CTSG: variants seen among roughly 807,000 people sequenced by gnomAD.
CTSG encodes cathepsin G.
Under a neutral mutation model 23.0 loss-of-function variants are expected in CTSG, and 23 were observed. The observed-to-expected ratio is 1.00, with a 90% CI of 0.72 to 1.42. The LOEUF is 1.42. CTSG is among the 40% of genes most tolerant of loss of function. The probability of loss-of-function intolerance (pLI) is 0.00; values close to 1 mark genes in which losing one functional copy is unlikely to be tolerated. For synonymous variants in CTSG, 140 were observed against 130.4 expected (o/e 1.07, Z -0.50); for missense variants, 312 against 326.2 (o/e 0.96, Z 0.33).
chr14:24,575,468 A>AC, intron 1 of CTSG, 56 bp from the exon 2 acceptor site: 1 of 1,589,924 alleles, frequency 6.3e-7, no homozygotes, highest in South Asian at 1.1e-5. Context: ...CAATGTGGGT[A>AC]CCAGATTGGT....
Position 24,575,298 on chromosome 14 carries a change from T to C in CTSG, c.170A>G (p.Asp57Gly). The change falls in exon 2 of 5, where the codon GAC (aspartate) becomes GGC (glycine). Residue 57 changes from aspartate to glycine, a missense_variant. By Grantham distance (94) the Asp-to-Gly change is moderately conservative. Coordinates refer to ENST00000216336, the MANE Select transcript of CTSG (RefSeq NM_001911.3). ...GCAATGAGCTGCTGTCAGCACAAAG[T>C]CTTCTCGCACCAGGAACCCTCCACA... ...SRCGGFLVRE[D>G]FVLTAAHCWG... 6.2e-7 allele frequency: 1 copy of C among 1,614,022 alleles called. No homozygotes were observed. Among genetic ancestry groups the C allele is most frequent in the Non-Finnish European group, 8.5e-7 (1 of 1,179,980 alleles).
Position 24,576,020 on chromosome 14 carries a change from C to T in CTSG, c.55+149G>A, listed in dbSNP as rs529371088. On this transcript the variant is annotated intron_variant, in intron 1 of 4. Transcript: ENST00000216336. Reference sequence around the variant, plus strand: ...AACTCTCATGGCAACTCTGCAAGATCGGTATTAATATTATTCTCATTTTAT... The same window carrying T: ...AACTCTCATGGCAACTCTGCAAGATTGGTATTAATATTATTCTCATTTTAT... 45 of 657,800 alleles carry T rather than the reference C, an allele frequency of 6.8e-5. No individual in the cohort carries two copies. In the East Asian group the frequency reaches 9.8e-4, roughly 14 times the overall value. The allele number at this position is 657,800 out of a possible 1,614,324, so 40.7% of individuals were successfully genotyped here.
Position 24,575,123 on chromosome 14 carries a change from T to A in CTSG, c.203+142A>T, listed in dbSNP as rs149560377. The stretch of plus-strand genomic sequence containing the variant: ...ATCCTCCTTTCCTCCTCATTTACAC[T>A]GGCCTGTTCCCTCCCGCAAAGACTC... On this transcript the variant is annotated intron_variant, in intron 2 of 4. Transcript: ENST00000216336. 177 of 890,052 alleles carry A rather than the reference T, an allele frequency of 2.0e-4. 1 individual carries two copies. In the African/African-American group the frequency reaches 2.8e-3, roughly 14 times the overall value. The allele number at this position is 890,052 out of a possible 1,614,324, so 55.1% of individuals were successfully genotyped here. A position where few individuals can be genotyped will look rare whatever the true frequency, so the allele number is the denominator to read the frequency against.
Position 24,575,348 on chromosome 14 carries a change from G to C in CTSG, c.120C>G (p.Ile40Met). ...HSRPYMAYLQ[I>M]QSPAGQSRCG... ...ATCTGCTCTGACCTGCTGGACTCTGGATCTGAAGATACGCCATGTAGGGGC... is the reference window on the plus strand; with the variant it reads ...ATCTGCTCTGACCTGCTGGACTCTGCATCTGAAGATACGCCATGTAGGGGC... The change falls in exon 2 of 5, where the codon ATC becomes ATG. Residue 40 changes from isoleucine to methionine, a missense_variant. Transcript: ENST00000216336. 1.2e-6 allele frequency: 2 copies of C among 1,614,156 alleles called. No homozygotes were observed. The highest frequency in any genetic ancestry group is 1.7e-6 in the Non-Finnish European group (2 of 1,180,026).
intron 1 of CTSG, 122 bp downstream of exon 1, chr14:24,576,047 G>A: frequency 1.3e-6 from 1 of 772,620 alleles, no homozygotes; most frequent in Non-Finnish European, 2.2e-6. Flanking sequence ...TCATTTTATA[G>A]ATGAGGAAAC....
intron 4 of CTSG, 35 bp downstream of exon 4, chr14:24,574,210 C>G (rs774615715): frequency 6.3e-7 from 1 of 1,597,870 alleles, no homozygotes; most frequent in Non-Finnish European, 8.5e-7. Flanking sequence ...GGGCCCCTCT[C>G]TCCCGGGGTG....
chr14:24,574,387 C>G lies in CTSG; in HGVS notation c.452G>C (p.Ser151Thr). Residue 151 changes from serine to threonine, a missense_variant, in exon 4 of 5, where the codon AGC becomes ACC. Coordinates refer to ENST00000216336, the MANE Select transcript of CTSG (RefSeq NM_001911.3). ...GAGTGTATCTGTTCCCCTCCTCATGCTGACCCTGCCCCAGCCGGCCACAGT... is the reference window on the plus strand; with the variant it reads ...GAGTGTATCTGTTCCCCTCCTCATGGTGACCCTGCCCCAGCCGGCCACAGT... ...LCTVAGWGRVSMRRGTDTLRE... is the reference protein window; with the variant it reads ...LCTVAGWGRVTMRRGTDTLRE... 6.2e-7 allele frequency: 1 copy of G among 1,611,970 alleles called. No homozygotes were observed. Among genetic ancestry groups the G allele is most frequent in the Non-Finnish European group, 8.5e-7 (1 of 1,180,010 alleles).
At chr14:24,573,870 C>T in intron 4 of CTSG, 60 bp from the exon 5 acceptor site, 1 of 1,494,858 alleles carries the variant, frequency 6.7e-7, no homozygotes, top group Non-Finnish European at 9.1e-7. Context: ...CTTCCCTGAG[C>T]TCCGGGCTCT....
intron 1 of CTSG, 103 bp from the exon 2 acceptor site, chr14:24,575,515 A>T: frequency 8.0e-7 from 1 of 1,252,932 alleles, no homozygotes; most frequent in African/African-American, 1.5e-5. Flanking sequence ...ACGGCAGGAG[A>T]GAGGGTGCAG....
chr14:24,575,461 T>A (rs772965200), intron 1 of CTSG, 49 bp from the exon 2 acceptor site: 3 of 1,607,618 alleles, frequency 1.9e-6, no homozygotes, highest in Non-Finnish European at 1.7e-6. Context: ...GAACCTGCAA[T>A]GTGGGTACCA....
At chr14:24,575,069 C>T in intron 2 of CTSG, 196 bp downstream of exon 2, 1 of 702,938 alleles carries the variant, frequency 1.4e-6, no homozygotes, top group Non-Finnish European at 2.3e-6. Flanking sequence ...ATGTGTCTTC[C>T]ATCTCTTCCT....
chr14:24,573,765 TGCC>T lies in CTSG; in HGVS notation c.637_639del (p.Gly213del). The stretch of plus-strand genomic sequence containing the variant: ...CCTGACGACTTTCCATAGGAGACGA[TGCC>T]GTGGGCCACATTGTTACACAGCAGG... On this transcript the variant is annotated inframe_deletion, in exon 5 of 5. Coordinates refer to ENST00000216336, the MANE Select transcript of CTSG (RefSeq NM_001911.3). The T allele has an allele frequency of 4.3e-6, 7 of 1,614,148 alleles. No individual in the cohort carries two copies. The highest frequency in any genetic ancestry group is 5.9e-6 in the Non-Finnish European group (7 of 1,180,020).
At position 24,573,521 on chromosome 14, in the gene CTSG, G is replaced by A. The variant is rs2066724999; in HGVS notation, c.*116C>T. ...TGTTGTAGCAATCCAAACAAACTAA[G>A]TACTGAATGACGTTTAATGAACAAA... On this transcript the variant is annotated 3_prime_UTR_variant, in exon 5 of 5. Transcript: ENST00000216336. 2.8e-6 allele frequency: 3 copies of A among 1,057,964 alleles called. No individual in the cohort carries two copies. Among genetic ancestry groups the A allele is most frequent in the Non-Finnish European group, 4.1e-6 (3 of 727,092 alleles). 65.5% of individuals were successfully genotyped at this position (1,057,964 alleles called of 1,614,324 possible). A position where few individuals can be genotyped will look rare whatever the true frequency, so the allele number is the denominator to read the frequency against.
Position 24,575,431 on chromosome 14 carries a change from C to A in CTSG, c.56-19G>T, listed in dbSNP as rs779257437. 8.7e-6 allele frequency: 14 copies of A among 1,613,838 alleles called. No individual in the cohort carries two copies. The Admixed American group carries it at 2.2e-4, about 25-fold the overall frequency. Reference sequence around the variant, plus strand: ...ATCTCCCCTGGAAGGAAGCATTTGGCACTTAGCTCTATGCTTGCTGAACCT... The same window carrying A: ...ATCTCCCCTGGAAGGAAGCATTTGGAACTTAGCTCTATGCTTGCTGAACCT... On this transcript the variant is annotated intron_variant, in intron 1 of 4. Coordinates refer to ENST00000216336, the MANE Select transcript of CTSG (RefSeq NM_001911.3).
At position 24,576,228 on chromosome 14, in the gene CTSG, C is replaced by T. The variant is rs374688403; in HGVS notation, c.-5G>A. On this transcript the variant is annotated 5_prime_UTR_variant, in exon 1 of 5. Transcript: ENST00000216336. ...CAGAAGCAGGAGTGGCTGCATCTTTCCTGAAAGGCTGCCCAGTCAGTTGCT... is the reference window on the plus strand; with the variant it reads ...CAGAAGCAGGAGTGGCTGCATCTTTTCTGAAAGGCTGCCCAGTCAGTTGCT... 83 of 1,605,334 alleles carry T rather than the reference C, an allele frequency of 5.2e-5. 1 individual carries two copies. The highest frequency in any genetic ancestry group is 2.4e-4 in the Admixed American group (14 of 58,948).
intron 1 of CTSG, 82 bp from the exon 2 acceptor site, chr14:24,575,494 G>T: frequency 6.8e-7 from 1 of 1,478,510 alleles, no homozygotes. Flanking sequence ...CAGAAAGGCT[G>T]GAAGATGGGG....
Position 24,575,278 on chromosome 14 carries a change from G to A in CTSG, c.190C>T (p.His64Tyr). ...VREDFVLTAA[H>Y]CWGSNINVTL... ...TTAGCTCCTCACCTTCCCCAGCAAT[G>A]AGCTGCTGTCAGCACAAAGTCTTCT... Residue 64 changes from histidine (H) to tyrosine (Y), a missense_variant, in exon 2 of 5, where the codon CAT becomes TAT. Physicochemically the swap from His to Tyr is moderately conservative, Grantham distance 83. Transcript: ENST00000216336. 4.3e-6 allele frequency: 7 copies of A among 1,614,058 alleles called. No individual in the cohort carries two copies. Among genetic ancestry groups the A allele is most frequent in the Non-Finnish European group, 5.9e-6 (7 of 1,180,002 alleles).
intron 4 of CTSG, 77 bp downstream of exon 4, chr14:24,574,168 A>T: frequency 6.5e-7 from 1 of 1,549,772 alleles, no homozygotes; most frequent in South Asian, 1.2e-5. Flanking sequence ...GGCTGTGGGG[A>T]TGGAATCTGT....
At position 24,575,066 on chromosome 14, in the gene CTSG, T is replaced by C. The variant is rs75250979; in HGVS notation, c.203+199A>G. The C allele has an allele frequency of 4.0e-3, 2,806 of 697,512 alleles. 53 individuals are homozygous for C. The African/African-American group carries it at 0.045, about 11-fold the overall frequency. The allele number at this position is 697,512 out of a possible 1,614,324, so 43.2% of individuals were successfully genotyped here. On this transcript the variant is annotated intron_variant, in intron 2 of 4. Transcript: ENST00000216336. ...TATATTTTGAGCCCCAATATGTGTC[T>C]TCCATCTCTTCCTCTTGCTCTTTTT...
Sources: gnomAD v4.1 joint callset for allele counts on GRCh38, gnomAD v4.1.1 for gene constraint, MANE v1.5 for transcripts, NCBI Gene and HGNC (gene_info 2026-07-23, HGNC 2026-07-21) for gene names.